Variants in PSMA4 observed in about 807,000 individuals in gnomAD.
The protein encoded by PSMA4 is proteasome subunit alpha type-4.
PSMA4 carries 8 observed loss-of-function variants against 37.2 expected under a neutral mutation model. The observed-to-expected ratio is 0.22, with a 90% CI of 0.13 to 0.39. PSMA4 has a LOEUF of 0.39. Among genes scored for constraint, PSMA4 ranks in the 10% least tolerant of loss-of-function variants. The pLI, the probability that PSMA4 is intolerant of heterozygous loss-of-function variation, is 1.00. For missense variants in PSMA4, 169 were observed against 305.1 expected (o/e 0.55, Z 3.32); for synonymous variants, 93 against 98.8 (o/e 0.94, Z 0.35).
At chr15:78,542,433 T>G in intron 3 of PSMA4, 50 bp from the exon 4 acceptor site, 2 of 1,581,938 alleles carry the variant, frequency 1.3e-6, no homozygotes, top group Non-Finnish European at 1.7e-6. Context: ...GGGCCAGTGG[T>G]GCAGGAGCAC....
At chr15:78,541,065 T>C (rs1370998271) in intron 1 of PSMA4, 1 of 152,216 alleles carries the variant, frequency 6.6e-6, no homozygotes, top group East Asian at 1.9e-4. Flanking sequence ...CCAGCCAGAG[T>C]GATCATTTAA....
intron 4 of PSMA4, among the ~76,000 whole-genome samples, chr15:78,543,121 G>C (rs1342369612): frequency 6.6e-6 from 1 of 152,210 alleles, no homozygotes; most frequent in Non-Finnish European, 1.5e-5. Flanking sequence ...GCCTCTTAGA[G>C]GTCTCGAAGA....
intron 4 of PSMA4, 132 bp downstream of exon 4, chr15:78,542,777 T>C: frequency 1.2e-6 from 1 of 825,480 alleles, no homozygotes. Context: ...GCTTGAAACC[T>C]CTTTGAGGCC....
rs1015360338 is a variant in PSMA4, at chr15:78,542,505, T to C, written c.69T>C (p.Tyr23=). ...TAGGTCGCTTATACCAAGTTGAATA[T>C]GCCATGGAAGCTATTGGACATGCAG... ...SPEGRLYQVE[Y]AMEAIGHAGT... is the part of the protein sequence containing the mutation. Residue 23 remains tyrosine (Y), a synonymous_variant, in exon 4 of 9, where the codon TAT becomes TAC. Coordinates refer to ENST00000044462, the MANE Select transcript of PSMA4 (RefSeq NM_002789.6). 5.6e-6 allele frequency: 9 copies of C among 1,613,494 alleles called. No homozygotes were observed. The African/African-American group carries it at 6.7e-5, about 12-fold the overall frequency.
intron 4 of PSMA4, 109 bp from the exon 5 acceptor site, chr15:78,544,081 G>A: frequency 1.3e-6 from 1 of 757,808 alleles, no homozygotes; most frequent in Non-Finnish European, 2.1e-6. Context: ...TAGCTGTTGT[G>A]AAGCAAACAT....
At chr15:78,541,527 C>T (rs1178155057) in intron 1 of PSMA4, 2 of 255,652 alleles carry the variant, frequency 7.8e-6, no homozygotes, top group Non-Finnish European at 7.7e-6. Flanking sequence ...TGTGGAATGC[C>T]CTTCTTTCTT....
rs1202850151 is a variant in PSMA4 at position 78,549,380 on chromosome 15, A to G, written c.*436A>G. On this transcript the variant is annotated 3_prime_UTR_variant, in exon 9 of 9. Coordinates refer to ENST00000044462, the MANE Select transcript of PSMA4 (RefSeq NM_002789.6). ...AACACGTGAGCTGAACAAAGCCAGA[A>G]TTGATGTGTGGGTGTGGATCTCGCA... The G allele has an allele frequency of 2.0e-5, 3 of 153,074 alleles. No individual in the cohort carries two copies. Among genetic ancestry groups the G allele is most frequent in the African/African-American group, 7.2e-5 (3 of 41,470 alleles). 9.5% of individuals were successfully genotyped at this position (153,074 alleles called of 1,614,324 possible).
At chr15:78,548,732 C>G in intron 8 of PSMA4, 58 bp from the exon 9 acceptor site, 1 of 1,558,798 alleles carries the variant, frequency 6.4e-7, no homozygotes, top group South Asian at 1.3e-5. Flanking sequence ...TATTAAGCTT[C>G]TCTGCTAAGT....
In PSMA4 at chr15:78,548,874, A is replaced by C. The variant is rs759129510; in HGVS notation, c.716A>C (p.Lys239Thr). Residue 239 changes from lysine (K) to threonine (T), a missense_variant, in exon 9 of 9, where the codon AAA (lysine) becomes ACA (threonine). Physicochemically the swap from Lys to Thr is moderately conservative, Grantham distance 78. Around this residue, in one of 2 missense-constraint regions of PSMA4, gnomAD observed 90 missense variants for 92.7 expected, o/e 0.97. Coordinates refer to ENST00000044462, the MANE Select transcript of PSMA4 (RefSeq NM_002789.6). ...KQKEVEQLIK[K>T]HEEEEAKAER... Reference sequence around the variant, plus strand: ...AAAGAAGTGGAGCAGTTGATCAAAAAACATGAGGAAGAAGAAGCCAAAGCT... The same window carrying C: ...AAAGAAGTGGAGCAGTTGATCAAAACACATGAGGAAGAAGAAGCCAAAGCT... 8.1e-6 allele frequency: 13 copies of C among 1,613,658 alleles called. No individual in the cohort carries two copies. Among genetic ancestry groups the C allele is most frequent in the Non-Finnish European group, 1.1e-5 (13 of 1,179,812 alleles).
intron 8 of PSMA4, among the ~76,000 whole-genome samples, chr15:78,548,074 T>C (rs938535895): frequency 2.0e-5 from 3 of 151,662 alleles, no homozygotes; most frequent in African/African-American, 7.3e-5. Context: ...CTACTAAAAA[T>C]ACAAAAAATT....
At chr15:78,541,024 C>G (rs2052440834) in intron 1 of PSMA4, 1 of 152,406 alleles carries the variant, frequency 6.6e-6, no homozygotes, top group Admixed American at 6.5e-5. Context: ...ATTGCAATTA[C>G]CTCAACCAGT....
rs929568799 is a variant in PSMA4 at position 78,540,946 on chromosome 15, C to T, written c.-24+407C>T. 3.9e-5 allele frequency: 6 copies of T among 152,490 alleles called. No individual in the cohort carries two copies. In the East Asian group the frequency reaches 5.8e-4, roughly 15 times the overall value. The allele number at this position is 152,490 out of a possible 1,614,324, so 9.4% of individuals were successfully genotyped here. On this transcript the variant is annotated intron_variant, in intron 1 of 8. Coordinates refer to ENST00000044462, the MANE Select transcript of PSMA4 (RefSeq NM_002789.6). Reference sequence around the variant, plus strand: ...TGTGCTTAAAGCTCGAATCAGAAATCCCCGGCGAGTGTCTCTGTGTCCTCC... The same window carrying T: ...TGTGCTTAAAGCTCGAATCAGAAATTCCCGGCGAGTGTCTCTGTGTCCTCC...
intron 6 of PSMA4, among the ~76,000 whole-genome samples, 154 bp downstream of exon 6, chr15:78,545,111 G>C (rs986159282): frequency 6.6e-6 from 1 of 152,076 alleles, no homozygotes; most frequent in East Asian, 1.9e-4. Context: ...ATATTCATGA[G>C]GTACATAATG....
chr15:78,542,084 T>C, intron 2 of PSMA4, 93 bp from the exon 3 acceptor site: 1 of 1,475,102 alleles, frequency 6.8e-7, no homozygotes, highest in Non-Finnish European at 9.4e-7. Context: ...GAACTTTGTA[T>C]ACCAGGATAG....
intron 4 of PSMA4, among the ~76,000 whole-genome samples, chr15:78,543,096 C>T (rs944602385): frequency 8.5e-5 from 13 of 152,196 alleles, no homozygotes; most frequent in Non-Finnish European, 1.5e-5. Context: ...TACACTGAAT[C>T]TTACTAAAGA....
At chr15:78,542,102 A>G in intron 2 of PSMA4, 75 bp from the exon 3 acceptor site, 1 of 1,522,414 alleles carries the variant, frequency 6.6e-7, no homozygotes, top group Non-Finnish European at 9.1e-7. Flanking sequence ...TAGGTTTTGT[A>G]AGATCATTTG....
At chr15:78,546,238 G>A (rs1425590438) in intron 7 of PSMA4, among the ~76,000 whole-genome samples, 3 of 152,172 alleles carry the variant, frequency 2.0e-5, no homozygotes, top group African/African-American at 7.2e-5. Context: ...GAGCTCAGGA[G>A]TTCGAGACCA....
At chr15:78,544,572 T>TA (rs1363725963) in intron 5 of PSMA4, 2 of 444,062 alleles carry the variant, frequency 4.5e-6, no homozygotes, top group Admixed American at 8.0e-5. Context: ...GTGCTGGGAT[T>TA]ACAGGCATTA....
chr15:78,545,234 G>GGT (rs2052531119), intron 6 of PSMA4, among the ~76,000 whole-genome samples: 2 of 152,182 alleles, frequency 1.3e-5, no homozygotes, highest in African/African-American at 4.8e-5. Context: ...AATATGTTAT[G>GGT]GTTAACTATA....
Sources: gnomAD v4.1 joint callset for allele counts (sites outside exome capture counted in the v4.1 genomes callset) on GRCh38, gnomAD v4.1.1 for gene constraint, gnomAD v4.1.1 regional missense constraint, MANE v1.5 for transcripts, NCBI Gene and HGNC (gene_info 2026-07-23, HGNC 2026-07-21) for gene names.